The following FNDC3B variants were observed in gnomAD, a reference collection of about 807,000 sequenced individuals.
FNDC3B encodes the protein fibronectin type III domain containing 3B.
In FNDC3B, 12 loss-of-function variants were observed where a neutral mutation model predicts 151.5. That is an observed-to-expected ratio of 0.08 (90% confidence interval 0.05 to 0.13). The LOEUF (loss-of-function observed/expected upper bound fraction) is 0.13. Among genes scored for constraint, FNDC3B ranks in the 10% least tolerant of loss-of-function variants. FNDC3B has a pLI of 1.00. For synonymous variants in FNDC3B, 528 were observed against 549.0 expected (o/e 0.96, Z 0.54); for missense variants, 1,214 against 1,505.3 (o/e 0.81, Z 3.20).
At chr3:172,101,092 G>A (rs1396365194) in intron 1 of FNDC3B, among the ~76,000 whole-genome samples, 1 of 152,144 alleles carries the variant, frequency 6.6e-6, no homozygotes, top group Non-Finnish European at 1.5e-5. Flanking sequence ...AAATAAACAT[G>A]ATTGAATTCT....
At chr3:172,267,361 G>A (rs564993234) in intron 6 of FNDC3B, among the ~76,000 whole-genome samples, 1 of 152,230 alleles carries the variant, frequency 6.6e-6, no homozygotes, top group Admixed American at 6.5e-5. Context: ...TCACCATGTT[G>A]CCCAGGCTGG....
intron 9 of FNDC3B, chr3:172,302,857 TGA>T (rs58602625): frequency 0.014 from 2,155 of 149,238 alleles, 45 homozygotes; most frequent in African/African-American, 0.049. Context: ...TGTGTATGTG[TGA>T]GAGAGAGAGA....
intron 22 of FNDC3B, among the ~76,000 whole-genome samples, 160 bp downstream of exon 22, chr3:172,353,243 C>T (rs897147464): frequency 1.3e-5 from 2 of 152,166 alleles, no homozygotes; most frequent in Non-Finnish European, 2.9e-5. Context: ...GGCCAGAAGA[C>T]CTGTGAAAAA....
At chr3:172,055,640 T>C (rs1424546521) in intron 1 of FNDC3B, among the ~76,000 whole-genome samples, 1 of 152,178 alleles carries the variant, frequency 6.6e-6, no homozygotes, top group Non-Finnish European at 1.5e-5. Flanking sequence ...CTGAAGTGTT[T>C]GCCATTAACG....
intron 1 of FNDC3B, among the ~76,000 whole-genome samples, chr3:172,089,397 A>G (rs1718700673): frequency 6.6e-6 from 1 of 152,144 alleles, no homozygotes; most frequent in Admixed American, 6.5e-5. Context: ...AAATTTCCTT[A>G]GTGAATGTTG....
intron 5 of FNDC3B, among the ~76,000 whole-genome samples, chr3:172,247,999 C>T (rs946424112): frequency 6.6e-6 from 1 of 152,048 alleles, no homozygotes; most frequent in African/African-American, 2.4e-5. Flanking sequence ...TTCACAAACT[C>T]GGCCCCAACC....
chr3:172,136,533 G>A (rs73167213), intron 3 of FNDC3B, among the ~76,000 whole-genome samples: 11,071 of 152,214 alleles, frequency 0.073, 740 homozygotes, highest in East Asian at 0.28. Flanking sequence ...GACAATGGGA[G>A]AGGACTTGTA....
chr3:172,289,330 TACTGGGCCCAGCCAG>T (rs1381369103), intron 7 of FNDC3B, among the ~76,000 whole-genome samples: 1 of 152,206 alleles, frequency 6.6e-6, no homozygotes, highest in Non-Finnish European at 1.5e-5. Flanking sequence ...CCCGTGATTT[TACTGGGCCCAGCCAG>T]ATAATCCAGG....
rs926816568 is a variant in FNDC3B at position 172,372,375 on chromosome 3, G to T, written c.3009-5895G>T. 3.9e-5 allele frequency among the ~76,000 whole-genome samples: 6 copies of T among 152,272 alleles called. No individual in the cohort carries two copies. In the Middle Eastern group the frequency reaches 0.014, roughly 345 times the overall value. On this transcript the variant is annotated intron_variant, in intron 23 of 25. Coordinates refer to ENST00000415807, the MANE Select transcript of FNDC3B (RefSeq NM_022763.4). ...CTGGGGCTCCTGTGGTACCATAAGGGTTGCCTGTAGCTACATATGCCTCAG... is the reference window on the plus strand; with the variant it reads ...CTGGGGCTCCTGTGGTACCATAAGGTTTGCCTGTAGCTACATATGCCTCAG...
rs372422297 is a variant in FNDC3B at position 172,352,862 on chromosome 3, G to A, written c.2574G>A (p.Ala858=). The change falls in exon 22 of 26, where the codon GCG becomes GCA. Residue 858 remains alanine, a synonymous_variant. Transcript: ENST00000415807. This position sits in a 1 kb window ranked among gnomAD's most constrained non-coding sequence, Gnocchi z 4.2. ...YSELVLCQTP[A]SAPDPVSTLC... is the part of the protein sequence containing the mutation. Reference sequence around the variant, plus strand: ...AACTTGTCCTTTGCCAGACGCCAGCGTCTGCCCCTGACCCCGTCTCCACTC... The same window carrying A: ...AACTTGTCCTTTGCCAGACGCCAGCATCTGCCCCTGACCCCGTCTCCACTC... 2.0e-5 allele frequency: 33 copies of A among 1,614,050 alleles called. No individual in the cohort carries two copies. Among genetic ancestry groups the A allele is most frequent in the Non-Finnish European group, 2.0e-5 (24 of 1,180,030 alleles).
At chr3:172,064,971 A>G (rs1311270217) in intron 1 of FNDC3B, among the ~76,000 whole-genome samples, 1 of 152,162 alleles carries the variant, frequency 6.6e-6, no homozygotes, top group Non-Finnish European at 1.5e-5. Flanking sequence ...GTTGCCCTGT[A>G]TATATGTGAC....
chr3:172,062,615 C>T (rs1367396346), intron 1 of FNDC3B, among the ~76,000 whole-genome samples: 1 of 152,092 alleles, frequency 6.6e-6, no homozygotes, highest in Non-Finnish European at 1.5e-5. Context: ...GGGATTTTCT[C>T]TTTATCATTG....
At chr3:172,222,985 A>G (rs1267748836) in intron 3 of FNDC3B, among the ~76,000 whole-genome samples, 6 of 152,262 alleles carry the variant, frequency 3.9e-5, no homozygotes, top group African/African-American at 1.4e-4. Context: ...CTGTCATACA[A>G]TCATTGCATT....
intron 4 of FNDC3B, among the ~76,000 whole-genome samples, chr3:172,247,052 G>A (rs936909053): frequency 1.3e-5 from 2 of 152,182 alleles, no homozygotes; most frequent in Non-Finnish European, 2.9e-5. Context: ...TGATGGAACT[G>A]TGCATGTTAA....
chr3:172,197,363 C>A (rs534738565), intron 3 of FNDC3B, among the ~76,000 whole-genome samples: 1 of 152,030 alleles, frequency 6.6e-6, no homozygotes, highest in Non-Finnish European at 1.5e-5. Context: ...TTTTCTGAAC[C>A]GTTAGAGAGT....
At chr3:172,284,050 T>G (rs545323275) in intron 6 of FNDC3B, among the ~76,000 whole-genome samples, 2 of 152,292 alleles carry the variant, frequency 1.3e-5, no homozygotes, top group Admixed American at 6.5e-5. Context: ...CTTTTAAAGT[T>G]TGGAGTGGTG....
At chr3:172,294,954 T>C (rs1730522135) in intron 7 of FNDC3B, among the ~76,000 whole-genome samples, 1 of 152,170 alleles carries the variant, frequency 6.6e-6, no homozygotes, top group Admixed American at 6.5e-5. Context: ...CTTCAGCGGG[T>C]ATTGTTGGAA....
At position 172,347,294 on chromosome 3, in the gene FNDC3B, A is replaced by T; in HGVS notation, c.2447A>T (p.His816Leu). 6.2e-7 allele frequency: 1 copy of T among 1,614,106 alleles called. No individual in the cohort carries two copies. ...GAAGAATCCTTAGAACTCATTTATCATGGGACAGACACCCGTTTTGAAATA... is the reference window on the plus strand; with the variant it reads ...GAAGAATCCTTAGAACTCATTTATCTTGGGACAGACACCCGTTTTGAAATA... Reference protein sequence around the residue: ...EDEESLELIYHGTDTRFEIRD... With the variant: ...EDEESLELIYLGTDTRFEIRD... Residue 816 changes from histidine to leucine, a missense_variant, in exon 21 of 26, where the codon CAT becomes CTT. His to Leu is a moderately conservative substitution (Grantham distance 99, BLOSUM62 -3). Coordinates refer to ENST00000415807, the MANE Select transcript of FNDC3B (RefSeq NM_022763.4).
intron 1 of FNDC3B, among the ~76,000 whole-genome samples, chr3:172,102,299 A>G (rs563405113): frequency 6.4e-4 from 97 of 152,294 alleles, no homozygotes; most frequent in Non-Finnish European, 1.2e-3. Flanking sequence ...CAGGTGCCCC[A>G]AACAGTGCCT....
Sources: allele counts gnomAD v4.1 joint callset (sites outside exome capture counted in the v4.1 genomes callset), GRCh38; gene constraint gnomAD v4.1.1; non-coding constraint Gnocchi (gnomAD v3.1); transcripts MANE v1.5; gene names NCBI Gene and HGNC (gene_info 2026-07-23, HGNC 2026-07-21).